Variants in EDA observed in about 807,000 individuals in gnomAD.
The protein encoded by EDA is ectodysplasin-A.
EDA carries 2 observed loss-of-function variants against 23.6 expected under a neutral mutation model. The ratio of observed to expected loss-of-function variants is 0.08; its 90% confidence interval spans 0.03 to 0.27. The LOEUF is 0.27. Among genes scored for constraint, EDA ranks in the 10% least tolerant of loss-of-function variants. The pLI, the probability that EDA is intolerant of heterozygous loss-of-function variation, is 1.00. For synonymous variants in EDA, 131 were observed against 132.0 expected, an observed-to-expected ratio of 0.99 and a Z score of 0.05; for missense variants, 229 against 324.2, an observed-to-expected ratio of 0.71 and a Z score of 2.26.
chrX:69,787,543 A>C (rs1283741822), intron 1 of EDA, among the ~76,000 whole-genome samples: 1 of 100,738 alleles, frequency 9.9e-6, no homozygotes, highest in Non-Finnish European at 2.1e-5. Flanking sequence ...TTTCTCCTTC[A>C]CTTATGAAGC....
chrX:70,019,507 G>C (rs1401480858), intron 2 of EDA, among the ~76,000 whole-genome samples: 1 of 109,305 alleles, frequency 9.1e-6, no homozygotes, highest in Non-Finnish European at 1.9e-5. Flanking sequence ...ATACTATGCA[G>C]CACAGTAGAC....
At chrX:69,863,141 G>A (rs1372413591) in intron 1 of EDA, among the ~76,000 whole-genome samples, 1 of 109,863 alleles carries the variant, frequency 9.1e-6, no homozygotes, top group Non-Finnish European at 1.9e-5. Flanking sequence ...AGTGAATTGT[G>A]TGCCTCCATC....
At chrX:69,644,995 G>A (rs1000877077) in intron 1 of EDA, among the ~76,000 whole-genome samples, 2 of 111,453 alleles carry the variant, frequency 1.8e-5, no homozygotes, top group African/African-American at 6.5e-5. Context: ...ACTTTTTGAT[G>A]TGCTACTGTA....
chrX:69,698,372 GT>G (rs2011427845), intron 1 of EDA, among the ~76,000 whole-genome samples: 1 of 111,255 alleles, frequency 9.0e-6, no homozygotes, highest in African/African-American at 3.3e-5. Context: ...GACCACTTCG[GT>G]TGTAGCTTTT....
intron 2 of EDA, among the ~76,000 whole-genome samples, chrX:69,993,580 A>T (rs2019619245): frequency 8.9e-6 from 1 of 112,485 alleles, no homozygotes; most frequent in Admixed American, 9.4e-5. Flanking sequence ...GGTCTGTCTG[A>T]TTCAAAAGAG....
chrX:69,818,490 C>T (rs1392033088), intron 1 of EDA, among the ~76,000 whole-genome samples: 1 of 111,329 alleles, frequency 9.0e-6, no homozygotes, highest in Non-Finnish European at 1.9e-5. Flanking sequence ...AAAGAATAAA[C>T]ATGAGATGAA....
At chrX:69,772,599 A>G (rs1051503602) in intron 1 of EDA, among the ~76,000 whole-genome samples, 3 of 111,329 alleles carry the variant, frequency 2.7e-5, no homozygotes, top group African/African-American at 9.8e-5. Context: ...ATTAGTGAGC[A>G]AAGTATCCAA....
chrX:69,941,128 G>T (rs1167935817), intron 1 of EDA, among the ~76,000 whole-genome samples: 1 of 111,796 alleles, frequency 8.9e-6, no homozygotes, highest in Non-Finnish European at 1.9e-5. Flanking sequence ...CATGGTCAGG[G>T]AAGATACTTG....
chrX:69,621,627 A>G (rs1232249394), intron 1 of EDA, among the ~76,000 whole-genome samples: 1 of 112,305 alleles, frequency 8.9e-6, no homozygotes, highest in East Asian at 2.8e-4. Context: ...TTCATTTTGA[A>G]CTTTATATAA....
intron 1 of EDA, among the ~76,000 whole-genome samples, chrX:69,682,578 G>C (rs902462820): frequency 8.9e-6 from 1 of 111,968 alleles, no homozygotes; most frequent in Non-Finnish European, 1.9e-5. Flanking sequence ...GGAGTGACCC[G>C]ATTTTCCAGG....
In EDA at chrX:70,036,460, C is replaced by A. The variant is rs1162692721; in HGVS notation, c.*851C>A. The stretch of plus-strand genomic sequence containing the variant: ...TCTTCTTTCTCCATGGAGCCTACCT[C>A]TGTCTGAGACAGGTGCCTAACCTGG... On this transcript the variant is annotated 3_prime_UTR_variant, in exon 8 of 8. Transcript: ENST00000374552. The A allele has an allele frequency of 8.9e-6, 1 of 112,776 alleles. No individual in the cohort carries two copies. Among genetic ancestry groups the A allele is most frequent in the African/African-American group, 3.2e-5 (1 of 30,933 alleles). 9.3% of individuals were successfully genotyped at this position (112,776 alleles called of 1,213,427 possible).
intron 1 of EDA, among the ~76,000 whole-genome samples, chrX:69,710,595 T>A (rs1308893681): frequency 8.9e-6 from 1 of 112,054 alleles, no homozygotes; most frequent in African/African-American, 3.2e-5. Flanking sequence ...ATAGCCATTT[T>A]CACGATATTA....
At chrX:69,897,762 AG>A (rs1243529480) in intron 1 of EDA, among the ~76,000 whole-genome samples, 2 of 111,906 alleles carry the variant, frequency 1.8e-5, no homozygotes, top group African/African-American at 6.5e-5. Flanking sequence ...GAGACAAGAA[AG>A]GGGCAGGGAT....
chrX:69,677,097 C>T (rs769153132), intron 1 of EDA, among the ~76,000 whole-genome samples: 73 of 96,627 alleles, frequency 7.6e-4, no homozygotes, highest in Middle Eastern at 0.01. Context: ...TTTGTTCTTG[C>T]GATAGTTTAC....
At chrX:69,705,467 TG>T (rs1160723960) in intron 1 of EDA, among the ~76,000 whole-genome samples, 2 of 111,782 alleles carry the variant, frequency 1.8e-5, no homozygotes, top group Non-Finnish European at 3.8e-5. Flanking sequence ...CCATTTACTC[TG>T]AAGATATCTC....
intron 1 of EDA, among the ~76,000 whole-genome samples, chrX:69,787,816 T>G (rs2147463509): frequency 9.0e-6 from 1 of 110,641 alleles, no homozygotes; most frequent in South Asian, 3.9e-4. Context: ...TTCTCTGTAT[T>G]TCCTGAATCT....
At chrX:69,933,254 A>C (rs2147678640) in intron 1 of EDA, among the ~76,000 whole-genome samples, 1 of 112,161 alleles carries the variant, frequency 8.9e-6, no homozygotes, top group Non-Finnish European at 1.9e-5. Flanking sequence ...AATTATTTAA[A>C]ATTTTTCTCT....
intron 1 of EDA, among the ~76,000 whole-genome samples, chrX:69,654,625 T>G (rs1314525512): frequency 9.0e-6 from 1 of 111,247 alleles, no homozygotes; most frequent in African/African-American, 3.3e-5. Context: ...CCATAAAAAA[T>G]GATGAGTTCA....
intron 2 of EDA, among the ~76,000 whole-genome samples, chrX:70,018,317 C>T (rs770335093): frequency 8.9e-6 from 1 of 111,906 alleles, no homozygotes; most frequent in Admixed American, 9.5e-5. Flanking sequence ...ATCAAACTAC[C>T]AATGACATTC....
Sources: gnomAD v4.1 joint callset for allele counts (sites outside exome capture counted in the v4.1 genomes callset) on GRCh38, gnomAD v4.1.1 for gene constraint, MANE v1.5 for transcripts, NCBI Gene and HGNC (gene_info 2026-07-23, HGNC 2026-07-21) for gene names.